The following TTLL11 variants were observed in gnomAD, a reference collection of about 807,000 sequenced individuals.
The protein encoded by TTLL11 is tubulin tyrosine ligase like 11.
A neutral mutation model predicts 51.7 loss-of-function variants in TTLL11; 42 were observed. The ratio of observed to expected loss-of-function variants is 0.81; its 90% CI spans 0.64 to 1.05. TTLL11 has a LOEUF of 1.05. Among genes scored for constraint, TTLL11 ranks in the 50% least tolerant of loss-of-function variants. The pLI is 0.00. For missense variants in TTLL11, 799 were observed against 940.4 expected (o/e 0.85, Z 1.97); for synonymous variants, 381 against 383.5 (o/e 0.99, Z 0.08).
chr9:121,996,427 G>A (rs1843267217), intron 3 of TTLL11, among the ~76,000 whole-genome samples: 3 of 151,990 alleles, frequency 2.0e-5, no homozygotes, highest in Admixed American at 6.6e-5. Flanking sequence ...CCAGCCCTTT[G>A]AGGTCCAGGA....
intron 1 of TTLL11, among the ~76,000 whole-genome samples, chr9:122,043,078 T>C (rs1439527138): frequency 1.3e-5 from 2 of 152,070 alleles, no homozygotes; most frequent in Non-Finnish European, 2.9e-5. Context: ...TAATGTAAAC[T>C]ATGGACTTTG....
intron 8 of TTLL11, among the ~76,000 whole-genome samples, chr9:121,856,815 C>T (rs1413565833): frequency 6.6e-6 from 1 of 151,782 alleles, no homozygotes; most frequent in Non-Finnish European, 1.5e-5. Context: ...CTGAGGGCCT[C>T]GAACCCCTTG....
chr9:121,927,627 CA>C (rs1469144421), intron 6 of TTLL11, among the ~76,000 whole-genome samples: 2 of 49,172 alleles, frequency 4.1e-5, no homozygotes, highest in African/African-American at 1.7e-4. Context: ...CAGAAGGTGG[CA>C]TTTTTTTTTT....
chr9:122,068,779 C>T (rs867904299), intron 1 of TTLL11, among the ~76,000 whole-genome samples: 2 of 152,216 alleles, frequency 1.3e-5, no homozygotes, highest in South Asian at 4.1e-4. Context: ...GCTACATTCC[C>T]CAGTCTCCCT....
At chr9:122,092,540 A>C (rs1007050114) in intron 1 of TTLL11, 147 bp downstream of exon 1, 1 of 1,431,674 alleles carries the variant, frequency 7.0e-7, no homozygotes, top group African/African-American at 1.5e-5. Flanking sequence ...AAGGATGAGC[A>C]CTTTGCGGCT....
intron 1 of TTLL11, among the ~76,000 whole-genome samples, chr9:122,084,147 T>C (rs1846064341): frequency 1.3e-5 from 2 of 151,854 alleles, no homozygotes; most frequent in Admixed American, 1.3e-4. Flanking sequence ...TTCATCAGAG[T>C]TCTAGGCAGA....
chr9:122,047,628 G>T (rs1799929240), intron 1 of TTLL11, among the ~76,000 whole-genome samples: 1 of 151,856 alleles, frequency 6.6e-6, no homozygotes, highest in South Asian at 2.1e-4. Context: ...CAAGACTAAA[G>T]GAGTGGTGGG....
intron 3 of TTLL11, among the ~76,000 whole-genome samples, chr9:121,993,157 G>A (rs1301790817): frequency 6.6e-6 from 1 of 152,112 alleles, no homozygotes; most frequent in African/African-American, 2.4e-5. Flanking sequence ...TGATTATTGG[G>A]TACAGAGTTT....
At position 121,936,966 on chromosome 9, in the gene TTLL11, T is replaced by C. The variant is rs1841253244; in HGVS notation, c.1481+37043A>G. On this transcript the variant is annotated intron_variant, in intron 6 of 8. Coordinates refer to ENST00000321582, the MANE Select transcript of TTLL11 (RefSeq NM_001139442.2). ...CTGTTTCTCCAGGTCTTTGACATCA[T>C]TTCAAATTTCTGTAATGACACCACA... Among the ~76,000 whole-genome samples the C allele has an allele frequency of 2.0e-5, 3 of 152,356 alleles. No individual in the cohort carries two copies. The South Asian group carries it at 6.2e-4, about 32-fold the overall frequency.
At chr9:121,832,243 G>T (rs1234644282) in intron 8 of TTLL11, among the ~76,000 whole-genome samples, 1 of 152,046 alleles carries the variant, frequency 6.6e-6, no homozygotes, top group East Asian at 1.9e-4. Flanking sequence ...CTAGCTCTTG[G>T]GGACACTCTC....
At chr9:122,074,292 A>G (rs1396497428) in intron 1 of TTLL11, among the ~76,000 whole-genome samples, 1 of 151,950 alleles carries the variant, frequency 6.6e-6, no homozygotes, top group Non-Finnish European at 1.5e-5. Flanking sequence ...AAAAAAAAAA[A>G]AGAGTACCAT....
intron 6 of TTLL11, among the ~76,000 whole-genome samples, chr9:121,931,583 TTA>T (rs1491179406): frequency 0.016 from 1,644 of 103,782 alleles, 31 homozygotes; most frequent in African/African-American, 0.052. Flanking sequence ...TTTCTACTAT[TTA>T]AAAAAAAAAA....
intron 6 of TTLL11, among the ~76,000 whole-genome samples, chr9:121,891,655 C>G (rs752696717): frequency 6.6e-6 from 1 of 152,140 alleles, no homozygotes; most frequent in African/African-American, 2.4e-5. Context: ...CTATAATCAT[C>G]GTGTCACGGA....
intron 6 of TTLL11, among the ~76,000 whole-genome samples, chr9:121,928,034 GT>G (rs1349824776): frequency 3.3e-5 from 5 of 152,182 alleles, no homozygotes; most frequent in African/African-American, 1.2e-4. Context: ...ATGCAGCCAG[GT>G]GGTTTCAATG....
At position 121,821,095 on chromosome 9, in the gene TTLL11, C is replaced by G. The variant is rs1836564805; in HGVS notation, c.*1492G>C. ...AACAATTGGAGACATCTTGGATTAA[C>G]AATCTTGCCTTTGGGTTTAAAAATA... On this transcript the variant is annotated 3_prime_UTR_variant, in exon 9 of 9. Coordinates refer to ENST00000321582, the MANE Select transcript of TTLL11 (RefSeq NM_001139442.2). This position sits in a 1 kb window ranked among gnomAD's most constrained non-coding sequence, Gnocchi z 5.0. Among the ~76,000 whole-genome samples the G allele has an allele frequency of 1.3e-5, 2 of 152,092 alleles. No individual in the cohort carries two copies. Among genetic ancestry groups the G allele is most frequent in the African/African-American group, 4.8e-5 (2 of 41,432 alleles).
chr9:122,041,132 C>A (rs984135582), intron 1 of TTLL11, among the ~76,000 whole-genome samples: 1 of 152,136 alleles, frequency 6.6e-6, no homozygotes, highest in African/African-American at 2.4e-5. Context: ...TTTAGAGGCA[C>A]CTTTAGCTCA....
At position 122,092,722 on chromosome 9, in the gene TTLL11, G is replaced by A; in HGVS notation, c.427C>T (p.Leu143=). Residue 143 remains leucine, a synonymous_variant, in exon 1 of 9, where the codon CTG becomes TTG. Transcript: ENST00000321582. ...SSKARTSLDA[L]KISIRQLKWK... ...TTGAGCTGGCGGATGCTGATCTTCA[G>A]GGCATCCAGGGAGGTCCTGGCCTTG... 3 of 1,537,848 alleles carry A rather than the reference G, an allele frequency of 2.0e-6. No individual in the cohort carries two copies. Among genetic ancestry groups the A allele is most frequent in the Admixed American group, 2.0e-5 (1 of 51,140 alleles).
At chr9:121,957,095 A>T (rs1842042177) in intron 6 of TTLL11, among the ~76,000 whole-genome samples, 1 of 152,104 alleles carries the variant, frequency 6.6e-6, no homozygotes, top group Admixed American at 6.5e-5. Flanking sequence ...CTGTGGTTCT[A>T]TCCTCGACTC....
intron 3 of TTLL11, among the ~76,000 whole-genome samples, chr9:121,990,041 T>C (rs1843065868): frequency 1.3e-5 from 2 of 152,230 alleles, no homozygotes; most frequent in African/African-American, 4.8e-5. Flanking sequence ...GTTTCGCCAG[T>C]TATTAGCTAC....
Sources: gnomAD v4.1 joint callset for allele counts (sites outside exome capture counted in the v4.1 genomes callset) on GRCh38, gnomAD v4.1.1 for gene constraint, Gnocchi (gnomAD v3.1) non-coding constraint, MANE v1.5 for transcripts, NCBI Gene and HGNC (gene_info 2026-07-23, HGNC 2026-07-21) for gene names.